ELP1: variants seen among roughly 807,000 people sequenced by gnomAD.
The protein encoded by ELP1 is elongator complex protein 1.
Under a neutral mutation model 183.2 loss-of-function variants are expected in ELP1, and 131 were observed. The ratio of observed to expected loss-of-function variants is 0.72; its 90% confidence interval spans 0.62 to 0.83. The LOEUF (loss-of-function observed/expected upper bound fraction) is 0.83, where lower values mean the gene tolerates loss of function less well. Among genes scored for constraint, ELP1 ranks in the 40% least tolerant of loss-of-function variants. The pLI, the probability that ELP1 is intolerant of heterozygous loss-of-function variation, is 0.00. For synonymous variants in ELP1, 555 were observed against 569.0 expected, an observed-to-expected ratio of 0.98 and a Z score of 0.35; for missense variants, 1,550 against 1,594.9, an observed-to-expected ratio of 0.97 and a Z score of 0.48.
rs770846470 is a variant in ELP1, at chr9:108,868,635, T to C, written c.*480A>G. 13 of 448,560 alleles carry C rather than the reference T, an allele frequency of 2.9e-5. No homozygotes were observed. Among genetic ancestry groups the C allele is most frequent in the Admixed American group, 1.1e-4 (3 of 26,258 alleles). 27.8% of individuals were successfully genotyped at this position (448,560 alleles called of 1,614,324 possible). On this transcript the variant is annotated 3_prime_UTR_variant, in exon 37 of 37. Transcript: ENST00000374647. ...ATAGCTGTCAGCAAAGGAGGGCTTA[T>C]AATTTCAAAGGATACTTTTTATTCT...
rs17792422 is a variant in ELP1, at chr9:108,903,439, G to A, written c.1750+124C>T. 108,064 of 732,300 alleles carry A rather than the reference G, an allele frequency of 0.15. 8,853 individuals carry two copies. The highest frequency in any genetic ancestry group is 0.22 in the Middle Eastern group (963 of 4,290). 45.4% of individuals were successfully genotyped at this position (732,300 alleles called of 1,614,324 possible). On this transcript the variant is annotated intron_variant, in intron 15 of 36. Coordinates refer to ENST00000374647, the MANE Select transcript of ELP1 (RefSeq NM_003640.5). ...TTGCCAATTCCACTCTAAAGCTTAG[G>A]GTTTTCCAGGGTAGTTAAAAGACCT...
chr9:108,931,420 T>C (rs554168772), intron 1 of ELP1, among the ~76,000 whole-genome samples: 134 of 152,344 alleles, frequency 8.8e-4, no homozygotes, highest in African/African-American at 3.1e-3. Flanking sequence ...TATTTTATGT[T>C]CTTTTTAGGA....
At chr9:108,894,412 C>T (rs371648298) in intron 25 of ELP1, among the ~76,000 whole-genome samples, 7 of 152,080 alleles carry the variant, frequency 4.6e-5, no homozygotes, top group African/African-American at 1.7e-4. Context: ...ATGCAGAAGC[C>T]GTGGACACAA....
intron 6 of ELP1, among the ~76,000 whole-genome samples, chr9:108,920,984 GA>G (rs1829624398): frequency 6.6e-6 from 1 of 151,790 alleles, no homozygotes. Flanking sequence ...ACAAAGTATG[GA>G]AAACTGCCTT....
chr9:108,901,362 T>C, intron 18 of ELP1, 63 bp downstream of exon 18: 1 of 1,164,950 alleles, frequency 8.6e-7, no homozygotes, highest in Non-Finnish European at 1.3e-6. Context: ...ATTCAAAAAG[T>C]CATCAAGACT....
Position 108,874,929 on chromosome 9 carries a change from A to C in ELP1, c.3897T>G (p.Ser1299=), listed in dbSNP as rs1564208866. The change falls in exon 36 of 37, where the codon TCT becomes TCG. Residue 1299 remains serine, a synonymous_variant. Transcript: ENST00000374647. ...GAACCGAAGTCTTCTGTTGCTGATA[A>C]GATGCCATGATACTATTTGCAGTAG... ...PNSTANSIMA[S]YQQQKTSVPV... The C allele has an allele frequency of 6.2e-7, 1 of 1,612,926 alleles. No individual in the cohort carries two copies.
chr9:108,917,167 A>C (rs907058930), intron 9 of ELP1, among the ~76,000 whole-genome samples: 1 of 152,166 alleles, frequency 6.6e-6, no homozygotes, highest in Non-Finnish European at 1.5e-5. Context: ...ATCCATATCA[A>C]ATATAAATCC....
chr9:108,874,865 T>C (rs1335987809), intron 36 of ELP1, 30 bp downstream of exon 36: 1 of 1,384,796 alleles, frequency 7.2e-7, no homozygotes, highest in South Asian at 1.2e-5. Flanking sequence ...CTGCTTAGTA[T>C]TGTAATATTA....
chr9:108,917,740 A>G (rs918682880), intron 8 of ELP1, 70 bp from the exon 9 acceptor site: 52 of 1,541,554 alleles, frequency 3.4e-5, no homozygotes, highest in Non-Finnish European at 4.4e-5. Flanking sequence ...AATCCAGAAG[A>G]GTTTTTTTTC....
intron 36 of ELP1, among the ~76,000 whole-genome samples, chr9:108,870,692 A>T (rs2118911335): frequency 6.6e-6 from 1 of 150,844 alleles, no homozygotes; most frequent in African/African-American, 2.4e-5. Flanking sequence ...TCTCTAAGGT[A>T]CCAATCCTTC....
At position 108,917,584 on chromosome 9, in the gene ELP1, C is replaced by T. The variant is rs1352823572; in HGVS notation, c.827G>A (p.Gly276Glu). The part of the protein sequence containing the change: ...VFFEKNGLLH[G>E]HFTLPFLKDE... ...TTTAAGGAAGGGAAGTGTAAAGTGTCCATGAAGGAGTCCATTTTTCTCAAA... is the reference window on the plus strand; with the variant it reads ...TTTAAGGAAGGGAAGTGTAAAGTGTTCATGAAGGAGTCCATTTTTCTCAAA... The change falls in exon 9 of 37, where the codon GGA becomes GAA. Residue 276 changes from glycine to glutamate, a missense_variant. Gly to Glu is a moderately conservative substitution (Grantham distance 98). Coordinates refer to ENST00000374647, the MANE Select transcript of ELP1 (RefSeq NM_003640.5). 1 of 1,613,954 alleles carries T rather than the reference C, an allele frequency of 6.2e-7. No homozygotes were observed. Among genetic ancestry groups the T allele is most frequent in the Non-Finnish European group, 8.5e-7 (1 of 1,179,910 alleles).
chr9:108,897,068 G>A, intron 23 of ELP1, 30 bp from the exon 24 acceptor site: 4 of 1,613,272 alleles, frequency 2.5e-6, no homozygotes, highest in Admixed American at 1.7e-5. Flanking sequence ...ACACCAGAAT[G>A]AGAAAGGTAA....
At chr9:108,909,860 C>T (rs1197221810) in intron 12 of ELP1, among the ~76,000 whole-genome samples, 3 of 152,114 alleles carry the variant, frequency 2.0e-5, no homozygotes, top group South Asian at 4.1e-4. Context: ...CAGGGTGGTA[C>T]AGGGTTTCAT....
chr9:108,905,623 T>G (rs1288195989), intron 14 of ELP1, among the ~76,000 whole-genome samples: 1 of 152,132 alleles, frequency 6.6e-6, no homozygotes, highest in East Asian at 1.9e-4. Flanking sequence ...TATGTGCAAT[T>G]ATGCATCATT....
At position 108,891,253 on chromosome 9, in the gene ELP1, T is replaced by C; in HGVS notation, c.3110A>G (p.Gln1037Arg). The change falls in exon 28 of 37, where the codon CAG becomes CGG. Residue 1037 changes from glutamine to arginine, a missense_variant. Transcript: ENST00000374647. The part of the protein sequence containing the change: ...NWKQALCVAA[Q>R]LNFTKDQLVG... ...CAGCTGGTCTTTGGTAAAGTTAAGC[T>C]GGGCTGCCACACAGAGGGCTTGCTT... is the stretch of plus-strand genomic sequence containing the variant. 6.2e-7 allele frequency: 1 copy of C among 1,614,248 alleles called. No individual in the cohort carries two copies. The highest frequency in any genetic ancestry group is 1.3e-5 in the African/African-American group (1 of 75,074).
intron 6 of ELP1, 24 bp from the exon 7 acceptor site, chr9:108,919,373 T>C (rs780451220): frequency 1.3e-6 from 2 of 1,485,450 alleles, no homozygotes; most frequent in Non-Finnish European, 1.9e-6. Flanking sequence ...CAAACACCAA[T>C]ATTACTGGGG....
rs1279434692 is a variant in ELP1, at chr9:108,869,110, G to A, written c.*5C>T. 4 of 1,612,718 alleles carry A rather than the reference G, an allele frequency of 2.5e-6. No individual in the cohort carries two copies. The highest frequency in any genetic ancestry group is 3.4e-6 in the Non-Finnish European group (4 of 1,178,796). ...CTCTGTCGGATCCCTCCTAACTGCA[G>A]TCACTCAGTCTAGCAGGCTCAGCTT... is the stretch of plus-strand genomic sequence containing the variant. On this transcript the variant is annotated 3_prime_UTR_variant, in exon 37 of 37. Transcript: ENST00000374647.
At chr9:108,917,453 A>C (rs1829479670) in intron 9 of ELP1, 94 bp downstream of exon 9, 1 of 1,313,806 alleles carries the variant, frequency 7.6e-7, no homozygotes, top group African/African-American at 1.5e-5. Flanking sequence ...GGCAACAAGA[A>C]TGAAACTCCA....
chr9:108,881,575 C>T, intron 31 of ELP1, 130 bp downstream of exon 31: 2 of 661,702 alleles, frequency 3.0e-6, no homozygotes, highest in South Asian at 1.8e-5. Flanking sequence ...ATATTATATC[C>T]AGGTGGTAAT....
Sources: gnomAD v4.1 joint callset for allele counts (sites outside exome capture counted in the v4.1 genomes callset) on GRCh38, gnomAD v4.1.1 for gene constraint, MANE v1.5 for transcripts, NCBI Gene and HGNC (gene_info 2026-07-23, HGNC 2026-07-21) for gene names.